The following MYCBP2 variants were observed in gnomAD, a reference collection of about 807,000 sequenced individuals.
MYCBP2 encodes E3 ubiquitin-protein ligase MYCBP2.
MYCBP2 carries 120 observed loss-of-function variants against 525.3 expected under a neutral mutation model. The ratio of observed to expected loss-of-function variants is 0.23; its 90% confidence interval spans 0.20 to 0.27. The LOEUF is 0.27. Among genes scored for constraint, MYCBP2 ranks in the 10% least tolerant of loss-of-function variants. The probability of loss-of-function intolerance (pLI) is 1.00; values close to 1 mark genes in which losing one functional copy is unlikely to be tolerated. For synonymous variants in MYCBP2, 1,894 were observed against 1,955.8 expected (o/e 0.97, Z 0.83); for missense variants, 4,149 against 5,657.1 (o/e 0.73, Z 8.55).
rs1760498727 is a variant in MYCBP2 at position 77,131,504 on chromosome 13, AC to A, written c.7660-4963del. Among the ~76,000 whole-genome samples the A allele has an allele frequency of 8.2e-5, 7 of 85,312 alleles. No homozygotes were observed. The East Asian group carries it at 1.6e-3, about 19-fold the overall frequency. 56.0% of individuals were successfully genotyped at this position (85,312 alleles called of 152,430 possible). A position where few individuals can be genotyped will look rare whatever the true frequency, so the allele number is the denominator to read the frequency against. On this transcript the variant is annotated intron_variant, in intron 52 of 82. Coordinates refer to ENST00000544440, the MANE Select transcript of MYCBP2 (RefSeq NM_015057.5). The stretch of plus-strand genomic sequence containing the variant: ...TCATCTCAAACACACACACACACAC[AC>A]ACACACAAACAAACACACACACACA...
At chr13:77,311,699 G>A (rs1308546381) in intron 1 of MYCBP2, among the ~76,000 whole-genome samples, 1 of 150,478 alleles carries the variant, frequency 6.6e-6, no homozygotes, top group African/African-American at 2.4e-5. Context: ...GAACCTGAAC[G>A]TGTATCAATA....
intron 77 of MYCBP2, among the ~76,000 whole-genome samples, 169 bp downstream of exon 77, chr13:77,059,354 C>T (rs79667502): frequency 0.013 from 1,929 of 152,106 alleles, 36 homozygotes; most frequent in African/African-American, 0.044. Flanking sequence ...GGCTTGAGAG[C>T]CTTATTTGAC....
intron 55 of MYCBP2, among the ~76,000 whole-genome samples, chr13:77,120,260 A>G (rs1464288495): frequency 6.6e-6 from 1 of 152,198 alleles, no homozygotes. Flanking sequence ...AGCTTAAGTT[A>G]ATGGAAATCA....
rs566346989 is a variant in MYCBP2, at chr13:77,081,479, C to G, written c.11366G>C (p.Gly3789Ala). 8 of 1,612,850 alleles carry G rather than the reference C, an allele frequency of 5.0e-6. No homozygotes were observed. The East Asian group carries it at 1.1e-4, about 22-fold the overall frequency. ...TKNITINCVK[G>A]INARYVSVHV... Reference sequence around the variant, plus strand: ...AACAGACACATAGCGGGCATTGATTCCTTTTACACAGTTGATGGTGATGTT... The same window carrying G: ...AACAGACACATAGCGGGCATTGATTGCTTTTACACAGTTGATGGTGATGTT... The change falls in exon 65 of 83, where the codon GGA becomes GCA. Residue 3789 changes from glycine to alanine, a missense_variant. By Grantham distance (60) the Gly-to-Ala change is moderately conservative. Around this residue, in one of 21 missense-constraint regions of MYCBP2, gnomAD observed 509 missense variants for 789.4 expected, o/e 0.64. Transcript: ENST00000544440. The surrounding 1 kb of genome is among the most constrained non-coding windows in gnomAD (Gnocchi z 4.6).
intron 17 of MYCBP2, among the ~76,000 whole-genome samples, chr13:77,242,215 G>A (rs957405177): frequency 6.6e-6 from 1 of 152,192 alleles, no homozygotes; most frequent in Non-Finnish European, 1.5e-5. Flanking sequence ...CCAGGTTCAA[G>A]TGATTCTCCT....
chr13:77,056,233 T>G (rs1233972055), intron 79 of MYCBP2, among the ~76,000 whole-genome samples: 1 of 151,764 alleles, frequency 6.6e-6, no homozygotes, highest in Non-Finnish European at 1.5e-5. Flanking sequence ...AAAACTTTCA[T>G]GTATCTATTA....
rs574908136 is a variant in MYCBP2, at chr13:77,184,501, T to C, written c.4719+602A>G. ...GCAGTTTCATATCCTGTTTTGTAAATGTCAGATCAAGATGGTTGACAGTAC... is the reference window on the plus strand; with the variant it reads ...GCAGTTTCATATCCTGTTTTGTAAACGTCAGATCAAGATGGTTGACAGTAC... On this transcript the variant is annotated intron_variant, in intron 32 of 82. Transcript: ENST00000544440. Among the ~76,000 whole-genome samples the C allele has an allele frequency of 1.4e-3, 216 of 152,350 alleles. 2 individuals carry two copies. Among genetic ancestry groups the C allele is most frequent in the African/African-American group, 5.0e-3 (206 of 41,588 alleles).
At chr13:77,077,015 G>T in intron 67 of MYCBP2, 133 bp downstream of exon 67, 2 of 1,262,394 alleles carry the variant, frequency 1.6e-6, no homozygotes, top group Non-Finnish European at 2.2e-6. Context: ...GGTGTTTAGG[G>T]CTATGAAAAG....
chr13:77,050,847 A>G, intron 82 of MYCBP2, 150 bp downstream of exon 82: 1 of 660,032 alleles, frequency 1.5e-6, no homozygotes, highest in Middle Eastern at 4.2e-4. Context: ...CCAGAAAGTC[A>G]TAAGCTTACA....
At position 77,108,949 on chromosome 13, in the gene MYCBP2, T is replaced by C. The variant is rs575043332; in HGVS notation, c.8141-9936A>G. Among the ~76,000 whole-genome samples, 6 of 152,226 alleles carry C rather than the reference T, an allele frequency of 3.9e-5. No individual in the cohort carries two copies. The South Asian group carries it at 1.2e-3, about 32-fold the overall frequency. On this transcript the variant is annotated intron_variant, in intron 55 of 82. Transcript: ENST00000544440. ...ACCTCGTGATTCACCCGCCTCATCC[T>C]CCCAAAGTGCTGGGATTACAGGCAT...
intron 1 of MYCBP2, among the ~76,000 whole-genome samples, chr13:77,312,410 AG>A (rs2080368353): frequency 6.6e-6 from 1 of 152,136 alleles, no homozygotes; most frequent in South Asian, 2.1e-4. Context: ...ATGTTTGCCA[AG>A]TATAGTATGC....
At chr13:77,203,407 A>G (rs1192017808) in intron 26 of MYCBP2, among the ~76,000 whole-genome samples, 1 of 152,180 alleles carries the variant, frequency 6.6e-6, no homozygotes, top group Non-Finnish European at 1.5e-5. Flanking sequence ...GATACAAACA[A>G]ATGGAAGAAC....
intron 1 of MYCBP2, among the ~76,000 whole-genome samples, chr13:77,311,558 T>G (rs570238064): frequency 7.1e-6 from 1 of 141,760 alleles, no homozygotes; most frequent in African/African-American, 3.0e-5. Context: ...AAGAGAAGTT[T>G]TTTTTTGTTT....
At chr13:77,316,764 C>T (rs1372196232) in intron 1 of MYCBP2, among the ~76,000 whole-genome samples, 1 of 152,124 alleles carries the variant, frequency 6.6e-6, no homozygotes, top group Admixed American at 6.5e-5. Context: ...AGGTGGCTGA[C>T]TTCATGGGGT....
At position 77,098,666 on chromosome 13, in the gene MYCBP2, T is replaced by C; in HGVS notation, c.8488A>G (p.Asn2830Asp). ...SSPKPKTLPA[N>D]RSSPSGASSP... ...CTAGCACCCGATGGGCTAGACCTAT[T>C]GGCTGGGAGAGTCTTTGGCTTAGGA... Residue 2830 changes from asparagine (N) to aspartate (D), a missense_variant, in exon 56 of 83, where the codon AAT becomes GAT. Asn to Asp is a conservative substitution (Grantham distance 23). Coordinates refer to ENST00000544440, the MANE Select transcript of MYCBP2 (RefSeq NM_015057.5). 4 of 1,613,556 alleles carry C rather than the reference T, an allele frequency of 2.5e-6. No homozygotes were observed. The highest frequency in any genetic ancestry group is 3.4e-6 in the Non-Finnish European group (4 of 1,179,766).
chr13:77,092,202 C>T (rs1202066676), intron 59 of MYCBP2, among the ~76,000 whole-genome samples: 1 of 151,964 alleles, frequency 6.6e-6, no homozygotes, highest in Non-Finnish European at 1.5e-5. Flanking sequence ...TTTTAATAAG[C>T]ACATTCTCTT....
At chr13:77,212,239 T>A (rs1432986695) in intron 21 of MYCBP2, 79 bp from the exon 22 acceptor site, 1 of 1,256,976 alleles carries the variant, frequency 8.0e-7, no homozygotes, top group Non-Finnish European at 1.1e-6. Context: ...AGGCAGTAGA[T>A]AAAAATCAAT....
In MYCBP2 at chr13:77,225,502, A is replaced by G. The variant is rs1355488221; in HGVS notation, c.2790T>C (p.Pro930=). The G allele has an allele frequency of 5.0e-6, 8 of 1,613,574 alleles. No homozygotes were observed. Among genetic ancestry groups the G allele is most frequent in the Non-Finnish European group, 6.8e-6 (8 of 1,179,756 alleles). The change falls in exon 19 of 83, where the codon CCT becomes CCC. Residue 930 remains proline, a synonymous_variant. Transcript: ENST00000544440. ...EKDASKITTY[P]PGSVRFDCEL... is the part of the protein sequence containing the mutation. ...CACAGTCAAATCGCACAGAGCCTGG[A>G]GGGTATGTTGTGATTTTGCTTGCAT... is the stretch of plus-strand genomic sequence containing the variant.
chr13:77,148,874 C>T (rs1051693823), intron 47 of MYCBP2, among the ~76,000 whole-genome samples: 1 of 152,114 alleles, frequency 6.6e-6, no homozygotes, highest in Non-Finnish European at 1.5e-5. Context: ...CCTTTGGCTG[C>T]AAAACCTACA....
Sources: allele counts gnomAD v4.1 joint callset (sites outside exome capture counted in the v4.1 genomes callset), GRCh38; gene constraint gnomAD v4.1.1; regional missense constraint gnomAD v4.1.1; non-coding constraint Gnocchi (gnomAD v3.1); transcripts MANE v1.5; gene names NCBI Gene and HGNC (gene_info 2026-07-23, HGNC 2026-07-21).